MARVELD3: variants seen among roughly 807,000 people sequenced by gnomAD.
The protein encoded by MARVELD3 is MARVEL domain containing 3, also known as MARVEL domain-containing protein 3.
A neutral mutation model predicts 33.5 loss-of-function variants in MARVELD3; 28 were observed. The observed-to-expected ratio is 0.84, with a 90% CI of 0.62 to 1.15. The LOEUF (loss-of-function observed/expected upper bound fraction) is 1.15. Ranked by LOEUF, MARVELD3 falls within the 50% of genes most tolerant of loss-of-function variation. The pLI is 0.00. For missense variants in MARVELD3, 582 were observed against 547.6 expected (o/e 1.06, Z -0.63); for synonymous variants, 241 against 230.4 (o/e 1.05, Z -0.42).
chr16:71,632,881 G>A (rs990418039), intron 2 of MARVELD3, among the ~76,000 whole-genome samples: 2 of 151,684 alleles, frequency 1.3e-5, no homozygotes, highest in East Asian at 3.9e-4. Flanking sequence ...CAAAATGCTG[G>A]GATTACAGGC....
intron 1 of MARVELD3, 52 bp from the exon 2 acceptor site, chr16:71,629,315 A>G (rs1178681115): frequency 2.7e-6 from 4 of 1,501,876 alleles, no homozygotes; most frequent in Admixed American, 2.8e-5. Context: ...CTAATCCTGA[A>G]CGCTATTGAA....
downstream of MARVELD3, chr16:71,640,536 G>A: frequency 6.2e-7 from 1 of 1,614,182 alleles, no homozygotes; most frequent in South Asian, 1.1e-5. Context: ...CGAGGGCACT[G>A]AGCTAGAGCA....
chr16:71,634,700 C>T lies in MARVELD3; in HGVS notation c.1103C>T (p.Ala368Val). Residue 368 changes from alanine to valine, a missense_variant, in exon 3 of 3, where the codon GCC (alanine) becomes GTC (valine). Transcript: ENST00000268485. ...GADIGAGIFA[A>V]LGIVVFALGA... ...GATATAGGAGCTGGAATCTTTGCTG[C>T]CCTGGGCATTGTGGTCTTTGCCCTG... is the stretch of plus-strand genomic sequence containing the variant. The T allele has an allele frequency of 1.2e-6, 2 of 1,614,198 alleles. No individual in the cohort carries two copies. Among genetic ancestry groups the T allele is most frequent in the East Asian group, 2.2e-5 (1 of 44,882 alleles).
chr16:71,638,655 A>C (rs1037033702), downstream of MARVELD3: 4 of 152,194 alleles, frequency 2.6e-5, no homozygotes, highest in African/African-American at 9.6e-5. Flanking sequence ...AAGAAGTCAC[A>C]AAAACAGTGC....
rs1461623134 is a variant in MARVELD3, at chr16:71,634,566, C to T, written c.969C>T (p.Phe323=). 1 of 1,614,194 alleles carries T rather than the reference C, an allele frequency of 6.2e-7. No homozygotes were observed. Among genetic ancestry groups the T allele is most frequent in the Non-Finnish European group, 8.5e-7 (1 of 1,180,042 alleles). The part of the protein sequence containing the change: ...IAGGYIPALY[F]YFHYLSAAYG... ...GGGGGTACATCCCGGCCTTGTACTT[C>T]TACTTCCACTACCTCTCTGCTGCCT... Residue 323 remains phenylalanine, a synonymous_variant, in exon 3 of 3, where the codon TTC becomes TTT. Transcript: ENST00000268485.
Position 71,636,162 on chromosome 16 carries a change from TC to T in MARVELD3, c.*1360del. 1.0e-6 allele frequency: 1 copy of T among 985,086 alleles called. No homozygotes were observed. Among genetic ancestry groups the T allele is most frequent in the Non-Finnish European group, 1.2e-6 (1 of 829,586 alleles). The allele number at this position is 985,086 out of a possible 1,614,324, so 61.0% of individuals were successfully genotyped here. On this transcript the variant is annotated 3_prime_UTR_variant, in exon 3 of 3. Coordinates refer to ENST00000268485, the MANE Select transcript of MARVELD3 (RefSeq NM_052858.6). ...ATATTCTCGGTCCAAGTGAGTAAGTTCTTTGCTTTATGTGAATCCAATAAAA... is the reference window on the plus strand; with the variant it reads ...ATATTCTCGGTCCAAGTGAGTAAGTTTTTGCTTTATGTGAATCCAATAAAA...
In MARVELD3 at chr16:71,626,678, G is replaced by T; in HGVS notation, c.449G>T (p.Gly150Val). 6.6e-7 allele frequency: 1 copy of T among 1,509,262 alleles called. No homozygotes were observed. Among genetic ancestry groups the T allele is most frequent in the South Asian group, 1.3e-5 (1 of 78,198 alleles). 93.5% of individuals were successfully genotyped at this position (1,509,262 alleles called of 1,614,324 possible). ...PPQPQRKGDP[G>V]RRRPESEPPS... The stretch of plus-strand genomic sequence containing the variant: ...CAGCCGCAGAGGAAGGGAGACCCCG[G>T]GCGCCGCAGACCCGAAAGGTGAGAG... Residue 150 changes from glycine to valine, a missense_variant, in exon 1 of 3, where the codon GGG becomes GTG. By Grantham distance (109) the Gly-to-Val change is moderately radical. Transcript: ENST00000268485. This position sits in a 1 kb window ranked among gnomAD's most constrained non-coding sequence, Gnocchi z 5.3.
In MARVELD3 at chr16:71,635,596, G is replaced by C. The variant is rs189861020; in HGVS notation, c.*793G>C. On this transcript the variant is annotated 3_prime_UTR_variant, in exon 3 of 3. Coordinates refer to ENST00000268485, the MANE Select transcript of MARVELD3 (RefSeq NM_052858.6). Reference sequence around the variant, plus strand: ...CACTCTAGCCTGAGCAACAGACCAAGACCGTATTGCCAAAATACCAAAAAA... The same window carrying C: ...CACTCTAGCCTGAGCAACAGACCAACACCGTATTGCCAAAATACCAAAAAA... 4 of 983,266 alleles carry C rather than the reference G, an allele frequency of 4.1e-6. No homozygotes were observed. In the African/African-American group the frequency reaches 7.0e-5, roughly 17 times the overall value. The allele number at this position is 983,266 out of a possible 1,614,324, so 60.9% of individuals were successfully genotyped here. A position where few individuals can be genotyped will look rare whatever the true frequency, so the allele number is the denominator to read the frequency against.
downstream of MARVELD3, among the ~76,000 whole-genome samples, chr16:71,637,503 G>A (rs1287944421): frequency 6.6e-6 from 1 of 152,180 alleles, no homozygotes; most frequent in Non-Finnish European, 1.5e-5. Flanking sequence ...CCGGAGTGAT[G>A]AGTGGGCAGT....
At chr16:71,633,185 A>T (rs1379699133) in intron 2 of MARVELD3, among the ~76,000 whole-genome samples, 1 of 151,772 alleles carries the variant, frequency 6.6e-6, no homozygotes, top group Non-Finnish European at 1.5e-5. Context: ...CAACACAGCA[A>T]GACCTTTATC....
Position 71,634,194 on chromosome 16 carries a change from C to G in MARVELD3, c.597C>G (p.Ala199=). ...HKCKYLCTGR[A]CCQMLEVLLN... is the part of the protein sequence containing the mutation. The stretch of plus-strand genomic sequence containing the variant: ...AATGGTAACACCCTTTTTTTGCAGC[C>G]TGCTGCCAAATGCTGGAGGTTCTCC... The change falls in exon 3 of 3, where the codon GCC becomes GCG. Residue 199 remains alanine (A), a splice_region_variant and synonymous_variant. Transcript: ENST00000268485. The G allele has an allele frequency of 1.3e-6, 2 of 1,586,038 alleles. No individual in the cohort carries two copies. Among genetic ancestry groups the G allele is most frequent in the Non-Finnish European group, 8.6e-7 (1 of 1,166,270 alleles).
At chr16:71,639,195 C>T (rs1009109360), downstream of MARVELD3, 3 of 150,646 alleles carry the variant, frequency 2.0e-5, no homozygotes, top group African/African-American at 7.3e-5. Flanking sequence ...CCTCAGCCTT[C>T]CAAGTGGGTG....
Position 71,626,299 on chromosome 16 carries a change from C to T in MARVELD3, c.70C>T (p.His24Tyr). Residue 24 changes from histidine (H) to tyrosine (Y), a missense_variant, in exon 1 of 3, where the codon CAC (histidine) becomes TAC (tyrosine). Physicochemically the swap from His to Tyr is moderately conservative, Grantham distance 83. Transcript: ENST00000268485. The surrounding 1 kb of genome is among the most constrained non-coding windows in gnomAD (Gnocchi z 5.3). ...AGAGCGGGACCCGGGACGGCGCCCC[C>T]ACCCAGACCAAGGCCGCACCCACGA... ...PRERDPGRRP[H>Y]PDQGRTHDRP... The T allele has an allele frequency of 6.5e-7, 1 of 1,547,038 alleles. No individual in the cohort carries two copies. The highest frequency in any genetic ancestry group is 2.4e-5 in the East Asian group (1 of 40,828).
downstream of MARVELD3, chr16:71,640,895 C>G (rs375582710): frequency 1.1e-5 from 17 of 1,614,046 alleles, no homozygotes; most frequent in African/African-American, 1.9e-4. Flanking sequence ...CTTGTCTTCT[C>G]GTGATCATGT....
intron 2 of MARVELD3, among the ~76,000 whole-genome samples, chr16:71,633,455 G>A (rs1315644662): frequency 2.0e-5 from 3 of 152,102 alleles, no homozygotes; most frequent in Non-Finnish European, 2.9e-5. Flanking sequence ...ATGCAGTGGC[G>A]CGATCTCAGT....
chr16:71,636,024 T>A lies in MARVELD3; in HGVS notation c.*1221T>A, dbSNP rs1326793179. The A allele has an allele frequency of 1.0e-6, 1 of 985,146 alleles. No homozygotes were observed. The highest frequency in any genetic ancestry group is 6.2e-5 in the Admixed American group (1 of 16,242). The allele number at this position is 985,146 out of a possible 1,614,324, so 61.0% of individuals were successfully genotyped here. ...TGTAAAATCTTTCCCAACAGAAGAG[T>A]GTTACTTTTGGTCAGACAACTTCAT... On this transcript the variant is annotated 3_prime_UTR_variant, in exon 3 of 3. Transcript: ENST00000268485.
At chr16:71,640,326 T>C (rs1227645669), downstream of MARVELD3, 18 of 1,548,188 alleles carry the variant, frequency 1.2e-5, no homozygotes, top group Non-Finnish European at 1.5e-5. Flanking sequence ...TGGCCTGTGG[T>C]ATGTCTCTGG....
chr16:71,640,586 G>A (rs2044610533), downstream of MARVELD3: 16 of 1,614,186 alleles, frequency 9.9e-6, no homozygotes, highest in East Asian at 2.2e-5. Context: ...TCCTCCGCTC[G>A]CCCCTGATAT....
downstream of MARVELD3, chr16:71,640,870 C>G (rs771412174): frequency 6.2e-6 from 10 of 1,614,086 alleles, no homozygotes; most frequent in Non-Finnish European, 8.5e-6. Flanking sequence ...ACCGACGGAG[C>G]AGCAGCCACC....
Sources: gnomAD v4.1 joint callset for allele counts (sites outside exome capture counted in the v4.1 genomes callset) on GRCh38, gnomAD v4.1.1 for gene constraint, Gnocchi (gnomAD v3.1) non-coding constraint, MANE v1.5 for transcripts, NCBI Gene and HGNC (gene_info 2026-07-23, HGNC 2026-07-21) for gene names.